CAP2: variants seen among roughly 807,000 people sequenced by gnomAD.
CAP2 encodes adenylyl cyclase-associated protein 2.
In CAP2, 24 loss-of-function variants were observed where a neutral mutation model predicts 57.7. The ratio of observed to expected loss-of-function variants is 0.42; its 90% CI spans 0.30 to 0.58. CAP2 has a LOEUF of 0.58. Among genes scored for constraint, CAP2 ranks in the 20% least tolerant of loss-of-function variants. The probability of loss-of-function intolerance (pLI) is 0.22; values close to 1 mark genes in which losing one functional copy is unlikely to be tolerated. For missense variants in CAP2, 501 were observed against 590.3 expected, an observed-to-expected ratio of 0.85 and a Z score of 1.57; for synonymous variants, 194 against 207.2, an observed-to-expected ratio of 0.94 and a Z score of 0.55.
chr6:17,397,557 T>G (rs1395046378), intron 1 of CAP2, among the ~76,000 whole-genome samples: 1 of 151,632 alleles, frequency 6.6e-6, no homozygotes, highest in Non-Finnish European at 1.5e-5. Context: ...TAGCCGGGCG[T>G]GGTGGCGGGC....
At chr6:17,528,166 T>C (rs1195181295) in intron 7 of CAP2, among the ~76,000 whole-genome samples, 3 of 152,238 alleles carry the variant, frequency 2.0e-5, no homozygotes, top group Non-Finnish European at 4.4e-5. Flanking sequence ...CGTGGACTAA[T>C]GTAAGTGTTC....
chr6:17,490,230 GA>G (rs1761512612), intron 4 of CAP2, among the ~76,000 whole-genome samples: 2 of 152,198 alleles, frequency 1.3e-5, no homozygotes, highest in Non-Finnish European at 2.9e-5. Context: ...TTCCATGTCA[GA>G]AAATGGCATC....
At chr6:17,439,362 A>G (rs1045920804) in intron 3 of CAP2, among the ~76,000 whole-genome samples, 2 of 150,690 alleles carry the variant, frequency 1.3e-5, no homozygotes, top group Admixed American at 6.6e-5. Context: ...AAACACCTGT[A>G]TATCTTCAGG....
At chr6:17,556,311 T>C in intron 12 of CAP2, 48 bp from the exon 13 acceptor site, 1 of 1,335,608 alleles carries the variant, frequency 7.5e-7, no homozygotes. Context: ...TTAGTTTAAA[T>C]AACTTTGTTG....
intron 1 of CAP2, among the ~76,000 whole-genome samples, chr6:17,406,977 G>T (rs184921467): frequency 3.2e-4 from 49 of 152,112 alleles, no homozygotes; most frequent in Admixed American, 1.2e-3. Context: ...CTCCCAAATG[G>T]GTTCCCTTTT....
chr6:17,493,350 C>A, intron 4 of CAP2: 1 of 325,714 alleles, frequency 3.1e-6, no homozygotes, highest in South Asian at 2.4e-5. Context: ...AGAGATGAAA[C>A]CAAGGCTAAA....
In CAP2 at chr6:17,421,782, A is replaced by G. The variant is rs541579522; in HGVS notation, c.121+106A>G. Reference sequence around the variant, plus strand: ...ATTTCTATTATCCTTCAGCTTCCCTACTCCTTCCATCGTATGTGACCATAA... The same window carrying G: ...ATTTCTATTATCCTTCAGCTTCCCTGCTCCTTCCATCGTATGTGACCATAA... On this transcript the variant is annotated intron_variant, in intron 2 of 12. Transcript: ENST00000229922. 1.9e-5 allele frequency: 24 copies of G among 1,280,752 alleles called. 1 individual carries two copies. The East Asian group carries it at 5.6e-4, about 30-fold the overall frequency. 79.3% of individuals were successfully genotyped at this position (1,280,752 alleles called of 1,614,324 possible).
chr6:17,425,537 A>G (rs1759567895), intron 2 of CAP2, among the ~76,000 whole-genome samples: 1 of 152,156 alleles, frequency 6.6e-6, no homozygotes, highest in Admixed American at 6.5e-5. Flanking sequence ...TAAGGTCATT[A>G]TAGCACCTGA....
chr6:17,527,520 A>G (rs1006336632), intron 7 of CAP2, among the ~76,000 whole-genome samples: 3 of 152,134 alleles, frequency 2.0e-5, no homozygotes, highest in African/African-American at 7.2e-5. Context: ...ATATCAAGGC[A>G]ATTTATGCAG....
intron 4 of CAP2, among the ~76,000 whole-genome samples, chr6:17,473,178 G>T (rs959937958): frequency 6.6e-6 from 1 of 152,102 alleles, no homozygotes; most frequent in Non-Finnish European, 1.5e-5. Flanking sequence ...AGGGGTAAAG[G>T]TTAATAAAGA....
chr6:17,548,961 C>T (rs1196603638), intron 11 of CAP2, among the ~76,000 whole-genome samples: 2 of 151,862 alleles, frequency 1.3e-5, no homozygotes, highest in African/African-American at 4.8e-5. Context: ...AATTTTATGC[C>T]TCAGAGTAGG....
chr6:17,529,113 A>G (rs1337063638), intron 7 of CAP2, among the ~76,000 whole-genome samples: 1 of 152,228 alleles, frequency 6.6e-6, no homozygotes, highest in East Asian at 1.9e-4. Flanking sequence ...GACAAAAGTC[A>G]TAAATTCAAT....
chr6:17,493,995 C>T (rs1367001743), intron 4 of CAP2, among the ~76,000 whole-genome samples: 1 of 152,138 alleles, frequency 6.6e-6, no homozygotes, highest in Non-Finnish European at 1.5e-5. Flanking sequence ...GGAGTCATTC[C>T]TGACTCCTCA....
rs372893918 is a variant in CAP2 at position 17,438,178 on chromosome 6, C to T, written c.222+11488C>T. ...GTCAGGAGTTCAAGACCAGCTTGGCCAACATGGTGAAACCCCGTCTCTACT... is the reference window on the plus strand; with the variant it reads ...GTCAGGAGTTCAAGACCAGCTTGGCTAACATGGTGAAACCCCGTCTCTACT... On this transcript the variant is annotated intron_variant, in intron 3 of 12. Coordinates refer to ENST00000229922, the MANE Select transcript of CAP2 (RefSeq NM_006366.3). Among the ~76,000 whole-genome samples the T allele has an allele frequency of 1.9e-4, 28 of 150,826 alleles. No homozygotes were observed. In the East Asian group the frequency reaches 2.8e-3, roughly 15 times the overall value.
chr6:17,511,965 C>G (rs895941970), intron 6 of CAP2, among the ~76,000 whole-genome samples: 13 of 151,964 alleles, frequency 8.6e-5, no homozygotes, highest in African/African-American at 2.7e-4. Context: ...TAAAAGGGCA[C>G]CATACTCTTA....
chr6:17,434,744 G>A (rs554642993), intron 3 of CAP2, among the ~76,000 whole-genome samples: 3 of 152,046 alleles, frequency 2.0e-5, no homozygotes, highest in South Asian at 4.1e-4. Context: ...ATTACTAAAC[G>A]GTCACTTCAT....
intron 1 of CAP2, among the ~76,000 whole-genome samples, chr6:17,400,664 C>A (rs1378311469): frequency 6.6e-6 from 1 of 151,862 alleles, no homozygotes; most frequent in African/African-American, 2.4e-5. Context: ...GAGATCAAGA[C>A]CATCCTAGCT....
chr6:17,441,889 A>AT (rs369307314), intron 3 of CAP2, among the ~76,000 whole-genome samples: 4 of 152,076 alleles, frequency 2.6e-5, no homozygotes, highest in East Asian at 1.9e-4. Context: ...TTTAAAATGC[A>AT]TTTTTTTCTG....
intron 7 of CAP2, among the ~76,000 whole-genome samples, chr6:17,527,938 G>A (rs141825348): frequency 4.4e-4 from 67 of 152,222 alleles, no homozygotes; most frequent in African/African-American, 1.5e-3. Flanking sequence ...TCTACTCTGA[G>A]GGCTTGGTCT....
Sources: allele counts gnomAD v4.1 joint callset (sites outside exome capture counted in the v4.1 genomes callset), GRCh38; gene constraint gnomAD v4.1.1; transcripts MANE v1.5; gene names NCBI Gene and HGNC (gene_info 2026-07-23, HGNC 2026-07-21).